Variants in ARHGAP30 observed in about 807,000 individuals in gnomAD.
ARHGAP30 encodes Rho GTPase activating protein 30.
Under a neutral mutation model 72.0 loss-of-function variants are expected in ARHGAP30, and 23 were observed. The observed-to-expected ratio is 0.32, with a 90% confidence interval of 0.23 to 0.45. The LOEUF is 0.45. Among genes scored for constraint, ARHGAP30 ranks in the 20% least tolerant of loss-of-function variants. The probability of loss-of-function intolerance (pLI) is 1.00; values close to 1 mark genes in which losing one functional copy is unlikely to be tolerated. For synonymous variants in ARHGAP30, 576 were observed against 528.2 expected, an observed-to-expected ratio of 1.09 and a Z score of -1.24; for missense variants, 1,319 against 1,383.4, an observed-to-expected ratio of 0.95 and a Z score of 0.74.
chr1:161,058,617 ACT>A (rs1202384397), intron 2 of ARHGAP30, among the ~76,000 whole-genome samples: 2 of 135,542 alleles, frequency 1.5e-5, no homozygotes, highest in African/African-American at 3.0e-5. Flanking sequence ...ACAGAGGGAG[ACT>A]CTGTCTCAAA....
intron 5 of ARHGAP30, 139 bp from the exon 6 acceptor site, chr1:161,053,524 T>A (rs1651602410): frequency 9.4e-7 from 1 of 1,066,642 alleles, no homozygotes; most frequent in Admixed American, 2.8e-5. Flanking sequence ...CTTAACCCCT[T>A]CTCTACCTCT....
intron 2 of ARHGAP30, among the ~76,000 whole-genome samples, chr1:161,057,777 G>A (rs1651987656): frequency 6.6e-6 from 1 of 152,252 alleles, no homozygotes; most frequent in Non-Finnish European, 1.5e-5. Flanking sequence ...CACGTTGGGA[G>A]GCTGAGCCAG....
In ARHGAP30 at chr1:161,048,765, T is replaced by C. The variant is rs1651090253; in HGVS notation, c.2256A>G (p.Arg752=). The C allele has an allele frequency of 2.5e-6, 4 of 1,613,890 alleles. No homozygotes were observed. Among genetic ancestry groups the C allele is most frequent in the Non-Finnish European group, 3.4e-6 (4 of 1,180,004 alleles). Residue 752 remains arginine (R), a synonymous_variant, in exon 12 of 12, where the codon AGA becomes AGG. Coordinates refer to ENST00000368013, the MANE Select transcript of ARHGAP30 (RefSeq NM_001025598.2). ...CTTCCTCTCTTTGTTCATCCTCTTC[T>C]CTCTCAATTTCTTTTTCCTTCTCAT... ...YTDEKEKEIE[R]EEDEQREEAQ...
At position 161,047,866 on chromosome 1, in the gene ARHGAP30, A is replaced by C. The variant is rs1050598716; in HGVS notation, c.3155T>G (p.Leu1052Arg). 21 of 1,611,186 alleles carry C rather than the reference A, an allele frequency of 1.3e-5. No individual in the cohort carries two copies. Among genetic ancestry groups the C allele is most frequent in the Non-Finnish European group, 1.8e-5 (21 of 1,178,788 alleles). ...HSPRPLSCLE[L>R]PSEGAEGSGS... ...AGACCCTTCTGCACCTTCAGATGGG[A>C]GCTCCAGGCAGCTAAGGGGCCGAGG... Residue 1052 changes from leucine to arginine, a missense_variant, in exon 12 of 12, where the codon CTC becomes CGC. Transcript: ENST00000368013.
In ARHGAP30 at chr1:161,050,401, C is replaced by T. The variant is rs192637977; in HGVS notation, c.1421-712G>A. Among the ~76,000 whole-genome samples, 496 of 150,366 alleles carry T rather than the reference C, an allele frequency of 3.3e-3. 2 individuals are homozygous for T. The highest frequency in any genetic ancestry group is 0.01 in the Middle Eastern group (3 of 288). On this transcript the variant is annotated intron_variant, in intron 10 of 11. Coordinates refer to ENST00000368013, the MANE Select transcript of ARHGAP30 (RefSeq NM_001025598.2). ...GCAACCTCCACCTCCTGGGTTGAAC[C>T]AATTCTCCTGCCTCAGCCTTCTGAG...
rs750300952 is a variant in ARHGAP30 at position 161,049,034 on chromosome 1, C to T, written c.1987G>A (p.Ala663Thr). ...ATGTCTAGCCTGCCTCCAGGCTCAG[C>T]CTGCTTGTCCTCCCCAACTTCCCAG... is the stretch of plus-strand genomic sequence containing the variant. Reference protein sequence around the residue: ...ACWEVGEDKQAEPGGRLDIRE... With the variant: ...ACWEVGEDKQTEPGGRLDIRE... Residue 663 changes from alanine to threonine, a missense_variant, in exon 12 of 12, where the codon GCT becomes ACT. Ala to Thr is a moderately conservative substitution (Grantham distance 58). Coordinates refer to ENST00000368013, the MANE Select transcript of ARHGAP30 (RefSeq NM_001025598.2). 78 of 1,613,960 alleles carry T rather than the reference C, an allele frequency of 4.8e-5. No homozygotes were observed. The highest frequency in any genetic ancestry group is 5.8e-5 in the Non-Finnish European group (68 of 1,180,032).
Position 161,052,350 on chromosome 1 carries a change from G to A in ARHGAP30, c.954C>T (p.Asn318=), listed in dbSNP as rs771759448. ...TTTTGGCTGGCCGCAGTGTCCCCTT[G>A]TTGGATTTATCCTCTGTAAGACAGG... ...RGAEDREDKS[N]KGTLRPAKSM... is the part of the protein sequence containing the mutation. Residue 318 remains asparagine (N), a synonymous_variant, in exon 9 of 12, where the codon AAC becomes AAT. Coordinates refer to ENST00000368013, the MANE Select transcript of ARHGAP30 (RefSeq NM_001025598.2). 1.3e-5 allele frequency: 21 copies of A among 1,613,992 alleles called. No individual in the cohort carries two copies. In the East Asian group the frequency reaches 4.5e-4, roughly 34 times the overall value.
intron 1 of ARHGAP30, among the ~76,000 whole-genome samples, chr1:161,061,647 C>G (rs1287838054): frequency 6.6e-6 from 1 of 152,156 alleles, no homozygotes; most frequent in Non-Finnish European, 1.5e-5. Context: ...AGCCATGACT[C>G]AAATCAAGGG....
chr1:161,065,531 C>CCTTTTTCTTTTTT (rs943707455), intron 1 of ARHGAP30, among the ~76,000 whole-genome samples: 8 of 151,950 alleles, frequency 5.3e-5, no homozygotes, highest in African/African-American at 1.5e-4. Context: ...CCCAATCTTT[C>CCTTTTTCTTTTTT]CTTTTTCTTT....
chr1:161,048,366 C>T lies in ARHGAP30; in HGVS notation c.2655G>A (p.Met885Ile), dbSNP rs745673736. The change falls in exon 12 of 12, where the codon ATG becomes ATA. Residue 885 changes from methionine (M) to isoleucine (I), a missense_variant. Met to Ile is a conservative substitution (Grantham distance 10). Around this residue, in one of 2 missense-constraint regions of ARHGAP30, gnomAD observed 1,097 missense variants for 1,045.2 expected, o/e 1.05. Coordinates refer to ENST00000368013, the MANE Select transcript of ARHGAP30 (RefSeq NM_001025598.2). ...AKEGNPHSSE[M>I]EEVAPQPPQP... is the part of the protein sequence containing the mutation. ...GAGGTGGCTGTGGGGCTACCTCTTC[C>T]ATCTCAGAAGAGTGAGGATTGCCCT... 1.1e-5 allele frequency: 18 copies of T among 1,614,042 alleles called. No homozygotes were observed. The highest frequency in any genetic ancestry group is 5.1e-6 in the Non-Finnish European group (6 of 1,180,050).
Position 161,052,302 on chromosome 1 carries a change from T to C in ARHGAP30, c.1002A>G (p.Ala334=). Residue 334 remains alanine, a synonymous_variant, in exon 9 of 12, where the codon GCA becomes GCG. Transcript: ENST00000368013. The stretch of plus-strand genomic sequence containing the variant: ...TATACTCACCATCACTGGCCCCAGC[T>C]GCAGCACTCAGTGAGTCCATGCTTT... ...PAKSMDSLSA[A]AGASDEPEGL... is the part of the protein sequence containing the mutation. The C allele has an allele frequency of 6.2e-7, 1 of 1,613,986 alleles. No individual in the cohort carries two copies. The highest frequency in any genetic ancestry group is 8.5e-7 in the Non-Finnish European group (1 of 1,180,028).
rs1375608148 is a variant in ARHGAP30, at chr1:161,048,388, C to T, written c.2633G>A (p.Gly878Asp). The change falls in exon 12 of 12, where the codon GGC becomes GAC. Residue 878 changes from glycine to aspartate, a missense_variant. By Grantham distance (94) the Gly-to-Asp change is moderately conservative. This residue lies in a region of ARHGAP30 where 1,097 missense variants were observed against 1,045.2 expected (regional missense o/e 1.05). Coordinates refer to ENST00000368013, the MANE Select transcript of ARHGAP30 (RefSeq NM_001025598.2). Reference sequence around the variant, plus strand: ...TTCCATCTCAGAAGAGTGAGGATTGCCCTCTTTGGCACAGTCAACCTCCAG... The same window carrying T: ...TTCCATCTCAGAAGAGTGAGGATTGTCCTCTTTGGCACAGTCAACCTCCAG... Reference protein sequence around the residue: ...ASLEVDCAKEGNPHSSEMEEV... With the variant: ...ASLEVDCAKEDNPHSSEMEEV... 1.2e-6 allele frequency: 2 copies of T among 1,614,076 alleles called. No individual in the cohort carries two copies. Among genetic ancestry groups the T allele is most frequent in the Non-Finnish European group, 8.5e-7 (1 of 1,180,018 alleles).
chr1:161,063,468 A>G (rs1031617239), intron 1 of ARHGAP30, among the ~76,000 whole-genome samples: 1 of 152,226 alleles, frequency 6.6e-6, no homozygotes, highest in African/African-American at 2.4e-5. Context: ...GTGATTTCCT[A>G]TGCCTGTCTT....
chr1:161,059,921 T>C (rs571527654), intron 1 of ARHGAP30, among the ~76,000 whole-genome samples: 1 of 152,336 alleles, frequency 6.6e-6, no homozygotes, highest in East Asian at 1.9e-4. Flanking sequence ...CTAAAGGTCC[T>C]GGGAGCTCAC....
At position 161,051,333 on chromosome 1, in the gene ARHGAP30, G is replaced by T; in HGVS notation, c.1401C>A (p.Gly467=). ...SPASGPGPGP[G]LGPGPPDEKL... ...CCTCACCTGGGGGGCCAGGGCCAAG[G>T]CCAGGGCCAGGGCCAGGGCCAGAGG... The change falls in exon 10 of 12, where the codon GGC becomes GGA. Residue 467 remains glycine, a synonymous_variant. Coordinates refer to ENST00000368013, the MANE Select transcript of ARHGAP30 (RefSeq NM_001025598.2). The T allele has an allele frequency of 1.2e-6, 2 of 1,605,408 alleles. No homozygotes were observed. The highest frequency in any genetic ancestry group is 2.7e-5 in the African/African-American group (2 of 75,000).
chr1:161,048,260 C>T lies in ARHGAP30; in HGVS notation c.2761G>A (p.Gly921Ser). Residue 921 changes from glycine (G) to serine (S), a missense_variant, in exon 12 of 12, where the codon GGC becomes AGC. By Grantham distance (56) the Gly-to-Ser change is moderately conservative. Coordinates refer to ENST00000368013, the MANE Select transcript of ARHGAP30 (RefSeq NM_001025598.2). ...ACCAGAGTGGAAGCTAGACGCATGC[C>T]CACGCCACCCAGGCCAAGAGAACAG... Reference protein sequence around the residue: ...CPCSLGLGGVGMRLASTLVQV... With the variant: ...CPCSLGLGGVSMRLASTLVQV... The T allele has an allele frequency of 1.2e-6, 2 of 1,614,162 alleles. No homozygotes were observed. Among genetic ancestry groups the T allele is most frequent in the Non-Finnish European group, 1.7e-6 (2 of 1,180,026 alleles).
intron 1 of ARHGAP30, among the ~76,000 whole-genome samples, chr1:161,068,635 G>T (rs1652933916): frequency 6.6e-6 from 1 of 152,134 alleles, no homozygotes; most frequent in East Asian, 1.9e-4. Context: ...AAAACAAGCT[G>T]GGCTGGGCAG....
intron 3 of ARHGAP30, among the ~76,000 whole-genome samples, chr1:161,055,884 AAT>A (rs200447076): frequency 8.9e-5 from 3 of 33,554 alleles, no homozygotes; most frequent in Non-Finnish European, 1.6e-4. Flanking sequence ...ATAAAATAAA[AAT>A]AAATAAAATA....
rs1326592089 is a variant in ARHGAP30, at chr1:161,053,496, C to G, written c.537-111G>C. The G allele has an allele frequency of 4.3e-6, 4 of 927,760 alleles. No individual in the cohort carries two copies. In the East Asian group the frequency reaches 2.0e-4, roughly 47 times the overall value. The allele number at this position is 927,760 out of a possible 1,614,324, so 57.5% of individuals were successfully genotyped here. ...TCTCTCTCTCTCTCTCTCTCTCTCT[C>G]TCTCTCTCTCGAATGACCTTAACCC... is the stretch of plus-strand genomic sequence containing the variant. On this transcript the variant is annotated intron_variant, in intron 5 of 11. Coordinates refer to ENST00000368013, the MANE Select transcript of ARHGAP30 (RefSeq NM_001025598.2).
Sources: allele counts gnomAD v4.1 joint callset (sites outside exome capture counted in the v4.1 genomes callset), GRCh38; gene constraint gnomAD v4.1.1; regional missense constraint gnomAD v4.1.1; transcripts MANE v1.5; gene names NCBI Gene and HGNC (gene_info 2026-07-23, HGNC 2026-07-21).